The following CLGN variants were observed in gnomAD, a reference collection of about 807,000 sequenced individuals.
The protein encoded by CLGN is calmegin.
CLGN carries 62 observed loss-of-function variants against 79.1 expected under a neutral mutation model. The ratio of observed to expected loss-of-function variants is 0.78; its 90% confidence interval spans 0.64 to 0.97. CLGN has a LOEUF of 0.97. Among genes scored for constraint, CLGN ranks in the 50% least tolerant of loss-of-function variants. The probability of loss-of-function intolerance (pLI) is 0.00; values close to 1 mark genes in which losing one functional copy is unlikely to be tolerated. For synonymous variants in CLGN, 225 were observed against 224.7 expected (o/e 1.00, Z -0.01); for missense variants, 647 against 715.5 (o/e 0.90, Z 1.09).
At position 140,409,873 on chromosome 4, in the gene CLGN, T is replaced by C; in HGVS notation, c.241A>G (p.Lys81Glu). The change falls in exon 4 of 15, where the codon AAA (lysine) becomes GAA (glutamate). Residue 81 changes from lysine to glutamate, a missense_variant. Physicochemically the swap from Lys to Glu is moderately conservative, Grantham distance 56 (BLOSUM62 1). Transcript: ENST00000325617. ...LAGWVLSKAK[K>E]DDMDEEISIY... ...GAAATTTCCTCATCCATGTCATCTT[T>C]CTTTGCTTTTGATAAGACCCATCTG... 1 of 1,599,372 alleles carries C rather than the reference T, an allele frequency of 6.3e-7. No homozygotes were observed. The highest frequency in any genetic ancestry group is 8.6e-7 in the Non-Finnish European group (1 of 1,169,430).
intron 8 of CLGN, 108 bp from the exon 9 acceptor site, chr4:140,396,313 T>C: frequency 1.0e-6 from 1 of 980,602 alleles, no homozygotes; most frequent in Non-Finnish European, 1.5e-6. Context: ...TGTTTGTGCC[T>C]GTTATTTGTC....
chr4:140,404,811 T>C (rs2126623578), intron 5 of CLGN, among the ~76,000 whole-genome samples: 1 of 152,000 alleles, frequency 6.6e-6, no homozygotes, highest in Non-Finnish European at 1.5e-5. Flanking sequence ...GGCACCACCA[T>C]GCCTGGCTAA....
intron 13 of CLGN, among the ~76,000 whole-genome samples, chr4:140,391,846 A>T (rs558721257): frequency 6.6e-6 from 1 of 152,010 alleles, no homozygotes; most frequent in Non-Finnish European, 1.5e-5. Context: ...TGCTGCAATC[A>T]TCTGTTTTAT....
chr4:140,396,142 A>T lies in CLGN; in HGVS notation c.948T>A (p.Asp316Glu). 1 of 1,614,202 alleles carries T rather than the reference A, an allele frequency of 6.2e-7. No individual in the cohort carries two copies. Among genetic ancestry groups the T allele is most frequent in the Non-Finnish European group, 8.5e-7 (1 of 1,180,030 alleles). Residue 316 changes from aspartate to glutamate, a missense_variant, in exon 9 of 15, where the codon GAT (aspartate) becomes GAA (glutamate). Transcript: ENST00000325617. ...GATCAGGGATAAATTTTGGTTCATCATCAAGCCAGCCAGCAGGTTTAACAA... is the reference window on the plus strand; with the variant it reads ...GATCAGGGATAAATTTTGGTTCATCTTCAAGCCAGCCAGCAGGTTTAACAA... ...SSVVKPAGWLDDEPKFIPDPN... is the reference protein window; with the variant it reads ...SSVVKPAGWLEDEPKFIPDPN...
chr4:140,426,823 G>A (rs917080925), intron 1 of CLGN: 2 of 152,226 alleles, frequency 1.3e-5, no homozygotes, highest in African/African-American at 4.8e-5. Context: ...CTGATTGATG[G>A]TAAACAGGCC....
At chr4:140,394,765 T>C (rs2126615376) in intron 10 of CLGN, among the ~76,000 whole-genome samples, 1 of 152,330 alleles carries the variant, frequency 6.6e-6, no homozygotes, top group East Asian at 1.9e-4. Context: ...TGAAACTGCA[T>C]ATATATAATG....
chr4:140,419,400 A>C (rs1425665601), intron 1 of CLGN, among the ~76,000 whole-genome samples: 1 of 152,194 alleles, frequency 6.6e-6, no homozygotes. Flanking sequence ...TCAAACACAA[A>C]TAATATGTAG....
At chr4:140,424,403 A>G (rs183975107) in intron 1 of CLGN, among the ~76,000 whole-genome samples, 4 of 152,260 alleles carry the variant, frequency 2.6e-5, no homozygotes, top group African/African-American at 7.2e-5. Context: ...TTTAAAATTC[A>G]TTAAGACTTG....
At chr4:140,414,150 G>A (rs1196319890) in intron 1 of CLGN, among the ~76,000 whole-genome samples, 1 of 152,200 alleles carries the variant, frequency 6.6e-6, no homozygotes, top group Non-Finnish European at 1.5e-5. Context: ...CTGTCTGTTA[G>A]AAGGAAAACT....
Position 140,389,202 on chromosome 4 carries a change from A to T in CLGN, c.*22T>A. The T allele has an allele frequency of 6.3e-7, 1 of 1,596,982 alleles. No individual in the cohort carries two copies. On this transcript the variant is annotated 3_prime_UTR_variant, in exon 15 of 15. Coordinates refer to ENST00000325617, the MANE Select transcript of CLGN (RefSeq NM_004362.3). ...ACAATGCCAAACATCCCTCTCGGGA[A>T]TTAAAAATATTTCAATCTAGTTTAG...
intron 7 of CLGN, 148 bp downstream of exon 7, chr4:140,400,209 G>T: frequency 1.8e-6 from 1 of 547,740 alleles, no homozygotes; most frequent in Non-Finnish European, 3.2e-6. Flanking sequence ...TTTTCTACCC[G>T]TGCTGTCATT....
intron 10 of CLGN, among the ~76,000 whole-genome samples, chr4:140,395,239 A>G (rs918911366): frequency 2.6e-5 from 4 of 151,006 alleles, no homozygotes; most frequent in African/African-American, 9.7e-5. Flanking sequence ...CTCCACCTCC[A>G]GGGTCCAAGA....
At chr4:140,400,106 T>C (rs1728970357) in intron 7 of CLGN, among the ~76,000 whole-genome samples, 1 of 152,220 alleles carries the variant, frequency 6.6e-6, no homozygotes, top group South Asian at 2.1e-4. Context: ...AAATATAATC[T>C]TTCCTAGCTT....
chr4:140,424,715 G>A (rs1053256478), intron 1 of CLGN, among the ~76,000 whole-genome samples: 1 of 152,136 alleles, frequency 6.6e-6, no homozygotes, highest in Non-Finnish European at 1.5e-5. Flanking sequence ...CTCACTCCAT[G>A]AGGCTTGCTG....
At chr4:140,404,159 T>C (rs1729049468) in intron 5 of CLGN, among the ~76,000 whole-genome samples, 1 of 152,086 alleles carries the variant, frequency 6.6e-6, no homozygotes, top group Non-Finnish European at 1.5e-5. Context: ...AGTGGCATGA[T>C]CTCGGCTCAC....
Position 140,390,689 on chromosome 4 carries a change from A to G in CLGN, c.1691T>C (p.Ile564Thr). 6.2e-7 allele frequency: 1 copy of G among 1,604,900 alleles called. No individual in the cohort carries two copies. The highest frequency in any genetic ancestry group is 8.5e-7 in the Non-Finnish European group (1 of 1,174,764). Reference protein sequence around the residue: ...SEPEEKSEEEIEIIEGQEESN... With the variant: ...SEPEEKSEEETEIIEGQEESN... Reference sequence around the variant, plus strand: ...TTCTTCTTGCCCTTCTATGATTTCAATTTCTTCTTCACTCTTTTCCTCAGG... The same window carrying G: ...TTCTTCTTGCCCTTCTATGATTTCAGTTTCTTCTTCACTCTTTTCCTCAGG... Residue 564 changes from isoleucine to threonine, a missense_variant, in exon 14 of 15, where the codon ATT (isoleucine) becomes ACT (threonine). Coordinates refer to ENST00000325617, the MANE Select transcript of CLGN (RefSeq NM_004362.3).
chr4:140,420,447 C>A (rs1729443375), intron 1 of CLGN, among the ~76,000 whole-genome samples: 1 of 152,000 alleles, frequency 6.6e-6, no homozygotes, highest in South Asian at 2.1e-4. Context: ...AGCGTAGGTA[C>A]TATTCCTAAT....
At chr4:140,402,950 T>A (rs987755231) in intron 5 of CLGN, among the ~76,000 whole-genome samples, 4 of 152,120 alleles carry the variant, frequency 2.6e-5, no homozygotes, top group African/African-American at 9.7e-5. Flanking sequence ...AATAAAGGAC[T>A]ATAGTTGTAA....
At chr4:140,418,099 G>T (rs1215012935) in intron 1 of CLGN, among the ~76,000 whole-genome samples, 1 of 150,158 alleles carries the variant, frequency 6.7e-6, no homozygotes, top group Non-Finnish European at 1.5e-5. Flanking sequence ...CAAGCAATGG[G>T]GAAAGGATTC....
Sources: gnomAD v4.1 joint callset for allele counts (sites outside exome capture counted in the v4.1 genomes callset) on GRCh38, gnomAD v4.1.1 for gene constraint, MANE v1.5 for transcripts, NCBI Gene and HGNC (gene_info 2026-07-23, HGNC 2026-07-21) for gene names.